Variants in FAM171B observed in about 807,000 individuals in gnomAD.
The protein encoded by FAM171B is protein FAM171B.
A neutral mutation model predicts 75.6 loss-of-function variants in FAM171B; 19 were observed. The ratio of observed to expected loss-of-function variants is 0.25; its 90% CI spans 0.18 to 0.37. FAM171B has a LOEUF of 0.37. Among genes scored for constraint, FAM171B ranks in the 10% least tolerant of loss-of-function variants. FAM171B has a pLI of 1.00. For missense variants in FAM171B, 848 were observed against 982.4 expected (o/e 0.86, Z 1.83); for synonymous variants, 367 against 361.7 (o/e 1.01, Z -0.17).
intron 1 of FAM171B, among the ~76,000 whole-genome samples, chr2:186,730,203 C>T (rs1049951375): frequency 1.3e-5 from 2 of 152,214 alleles, no homozygotes; most frequent in Admixed American, 6.5e-5. Flanking sequence ...TCGTGATCCA[C>T]CTGCCTTGGC....
intron 1 of FAM171B, among the ~76,000 whole-genome samples, chr2:186,724,932 C>T (rs541256555): frequency 5.9e-5 from 9 of 152,140 alleles, no homozygotes; most frequent in Non-Finnish European, 8.8e-5. Context: ...GCTAAATTCT[C>T]GTCTTTCCTC....
intron 1 of FAM171B, among the ~76,000 whole-genome samples, chr2:186,716,044 T>C (rs1689870610): frequency 6.6e-6 from 1 of 152,106 alleles, no homozygotes; most frequent in African/African-American, 2.4e-5. Flanking sequence ...TTTAAATTGT[T>C]TTTTAGAGAT....
chr2:186,706,276 A>G (rs376841010), intron 1 of FAM171B, among the ~76,000 whole-genome samples: 4 of 152,344 alleles, frequency 2.6e-5, no homozygotes, highest in South Asian at 4.1e-4. Flanking sequence ...ATTTCAGTCT[A>G]CAGTGATTTA....
At chr2:186,759,912 G>C (rs1389501895) in intron 6 of FAM171B, among the ~76,000 whole-genome samples, 1 of 152,042 alleles carries the variant, frequency 6.6e-6, no homozygotes, top group Admixed American at 6.6e-5. Context: ...TGATTTCATA[G>C]TTTGAGGTCT....
At chr2:186,714,461 C>G (rs1037126745) in intron 1 of FAM171B, among the ~76,000 whole-genome samples, 1 of 152,298 alleles carries the variant, frequency 6.6e-6, no homozygotes, top group African/African-American at 2.4e-5. Context: ...TATTTATTCT[C>G]TGTCTACAAG....
intron 1 of FAM171B, among the ~76,000 whole-genome samples, chr2:186,714,780 C>T (rs1689853199): frequency 6.6e-6 from 1 of 152,162 alleles, no homozygotes; most frequent in Admixed American, 6.5e-5. Flanking sequence ...TAATTGCTTC[C>T]TGAATAGTTA....
At chr2:186,716,974 T>A (rs1689883779) in intron 1 of FAM171B, among the ~76,000 whole-genome samples, 1 of 152,132 alleles carries the variant, frequency 6.6e-6, no homozygotes, top group South Asian at 2.1e-4. Flanking sequence ...GTTAGGCAGG[T>A]GCTGTCATTG....
At chr2:186,713,839 C>T (rs1166915225) in intron 1 of FAM171B, among the ~76,000 whole-genome samples, 1 of 152,160 alleles carries the variant, frequency 6.6e-6, no homozygotes, top group Non-Finnish European at 1.5e-5. Context: ...TGAGCTTTGA[C>T]TTTTCACTAT....
intron 1 of FAM171B, among the ~76,000 whole-genome samples, chr2:186,729,337 T>TTA (rs1553510684): frequency 6.6e-6 from 1 of 151,816 alleles, no homozygotes; most frequent in Non-Finnish European, 1.5e-5. Flanking sequence ...CATTGAAAGC[T>TTA]AAAAAAATAC....
At chr2:186,726,010 TGTTGA>T (rs571704783) in intron 1 of FAM171B, among the ~76,000 whole-genome samples, 2 of 152,220 alleles carry the variant, frequency 1.3e-5, no homozygotes, top group Non-Finnish European at 2.9e-5. Context: ...ATTTGTTCTC[TGTTGA>T]GTTGTCTATT....
chr2:186,731,361 C>A (rs1024832707), intron 1 of FAM171B, among the ~76,000 whole-genome samples: 85 of 152,316 alleles, frequency 5.6e-4, no homozygotes, highest in Admixed American at 3.1e-3. Flanking sequence ...CACTAGAAAG[C>A]ACAATGGTAA....
rs375028425 is a variant in FAM171B, at chr2:186,762,720, C to G, written c.2378C>G (p.Thr793Arg). 6.2e-7 allele frequency: 1 copy of G among 1,613,030 alleles called. No individual in the cohort carries two copies. The highest frequency in any genetic ancestry group is 8.5e-7 in the Non-Finnish European group (1 of 1,179,592). Residue 793 changes from threonine to arginine, a missense_variant, in exon 8 of 8, where the codon ACA becomes AGA. Thr to Arg is a moderately conservative substitution (Grantham distance 71). Around this residue, in one of 3 missense-constraint regions of FAM171B, gnomAD observed 136 missense variants for 159.3 expected, o/e 0.85. Transcript: ENST00000304698. The surrounding 1 kb of genome is among the most constrained non-coding windows in gnomAD (Gnocchi z 4.0). ...KSTVEDFEAN[T>R]SPTKRRGRPP... The stretch of plus-strand genomic sequence containing the variant: ...ACTGTTGAAGATTTTGAAGCTAATA[C>G]ATCCCCCACTAAAAGAAGGGGCAGA...
At chr2:186,715,057 G>C (rs1189423665) in intron 1 of FAM171B, among the ~76,000 whole-genome samples, 1 of 152,150 alleles carries the variant, frequency 6.6e-6, no homozygotes, top group Non-Finnish European at 1.5e-5. Context: ...ACTGCAAAAT[G>C]GAAAATTATT....
chr2:186,751,210 C>G lies in FAM171B; in HGVS notation c.801C>G (p.Val267=). ...KIYSGGKELK[V]NGSIQVSLPL... ...ATTCTGGAGGAAAAGAACTAAAGGT[C>G]AATGGCTCTATTCAAGTTTCTCTTC... The change falls in exon 5 of 8, where the codon GTC becomes GTG. Residue 267 remains valine, a synonymous_variant. Transcript: ENST00000304698. 1.2e-6 allele frequency: 2 copies of G among 1,611,930 alleles called. No homozygotes were observed. Among genetic ancestry groups the G allele is most frequent in the Non-Finnish European group, 1.7e-6 (2 of 1,178,550 alleles).
At position 186,740,472 on chromosome 2, in the gene FAM171B, A is replaced by G. The variant is rs1348227937; in HGVS notation, c.472+11A>G. 2 of 1,592,390 alleles carry G rather than the reference A, an allele frequency of 1.3e-6. No homozygotes were observed. On this transcript the variant is annotated intron_variant, in intron 2 of 7. Coordinates refer to ENST00000304698, the MANE Select transcript of FAM171B (RefSeq NM_177454.4). ...CCAGAAGAATGCCAAGTAAGCACTTAAACAGTTTTTTTTTGTTTGTTTTTG... is the reference window on the plus strand; with the variant it reads ...CCAGAAGAATGCCAAGTAAGCACTTGAACAGTTTTTTTTTGTTTGTTTTTG...
chr2:186,744,222 T>C (rs1353197422), intron 3 of FAM171B, among the ~76,000 whole-genome samples: 3 of 152,214 alleles, frequency 2.0e-5, no homozygotes, highest in African/African-American at 7.2e-5. Context: ...AACAATTTGC[T>C]TGTTTGTTTT....
rs1418880247 is a variant in FAM171B, at chr2:186,747,242, A to C, written c.716A>C (p.Asn239Thr). The change falls in exon 4 of 8, where the codon AAT becomes ACT. Residue 239 changes from asparagine to threonine, a missense_variant. Physicochemically the swap from Asn to Thr is moderately conservative, Grantham distance 65. This residue lies in a region of FAM171B where 665 missense variants were observed against 729.0 expected (regional missense o/e 0.91). Coordinates refer to ENST00000304698, the MANE Select transcript of FAM171B (RefSeq NM_177454.4). ...CTGCATACAACTGGAATTACTCTCA[A>C]TAAACCAGGTATTATCTACTTTTTG... is the stretch of plus-strand genomic sequence containing the variant. ...NFLHTTGITL[N>T]KPGFENIELT... is the part of the protein sequence containing the mutation. 2 of 1,585,464 alleles carry C rather than the reference A, an allele frequency of 1.3e-6. No homozygotes were observed. Among genetic ancestry groups the C allele is most frequent in the African/African-American group, 2.7e-5 (2 of 73,574 alleles).
At chr2:186,731,880 A>G (rs1238391373) in intron 1 of FAM171B, among the ~76,000 whole-genome samples, 1 of 152,126 alleles carries the variant, frequency 6.6e-6, no homozygotes, top group Non-Finnish European at 1.5e-5. Flanking sequence ...TCTAGGTTGC[A>G]TGCTCCTTAT....
At chr2:186,736,835 C>T (rs1690210154) in intron 1 of FAM171B, among the ~76,000 whole-genome samples, 1 of 151,900 alleles carries the variant, frequency 6.6e-6, no homozygotes, top group African/African-American at 2.4e-5. Flanking sequence ...GCTCAGTCAA[C>T]ATTGACAAGA....
Sources: allele counts gnomAD v4.1 joint callset (sites outside exome capture counted in the v4.1 genomes callset), GRCh38; gene constraint gnomAD v4.1.1; regional missense constraint gnomAD v4.1.1; non-coding constraint Gnocchi (gnomAD v3.1); transcripts MANE v1.5; gene names NCBI Gene and HGNC (gene_info 2026-07-23, HGNC 2026-07-21).